ABCA1: variants seen among roughly 807,000 people sequenced by gnomAD.
ABCA1 encodes ATP binding cassette subfamily A member 1, also known as phospholipid-transporting ATPase ABCA1.
Under a neutral mutation model 262.5 loss-of-function variants are expected in ABCA1, and 133 were observed. The observed-to-expected ratio is 0.51, with a 90% CI of 0.44 to 0.59. The LOEUF (loss-of-function observed/expected upper bound fraction) is 0.59, where lower values mean the gene tolerates loss of function less well. Ranked by LOEUF, ABCA1 falls within the 20% of genes least tolerant of loss-of-function variation. The pLI is 0.00. For missense variants in ABCA1, 2,452 were observed against 2,777.5 expected, an observed-to-expected ratio of 0.88 and a Z score of 2.63; for synonymous variants, 1,022 against 1,043.5, an observed-to-expected ratio of 0.98 and a Z score of 0.40.
intron 25 of ABCA1, 66 bp downstream of exon 25, chr9:104,816,077 G>T (rs1831726265): frequency 2.0e-6 from 3 of 1,537,844 alleles, no homozygotes; most frequent in Non-Finnish European, 2.7e-6. Flanking sequence ...CCCAATGCAG[G>T]CTACTGGTCT....
At position 104,882,351 on chromosome 9, in the gene ABCA1, A is replaced by AT. The variant is rs566891520; in HGVS notation, c.421+687dup. 2.0e-5 allele frequency among the ~76,000 whole-genome samples: 3 copies of AT among 152,316 alleles called. No homozygotes were observed. In the South Asian group the frequency reaches 6.2e-4, roughly 32 times the overall value. On this transcript the variant is annotated intron_variant, in intron 5 of 49. Transcript: ENST00000374736. Reference sequence around the variant, plus strand: ...ATTCTCTACAGACCATGCACATGCCATTACTGGCTGCACTCAGCCAGCTGC... The same window carrying AT: ...ATTCTCTACAGACCATGCACATGCCATTTACTGGCTGCACTCAGCCAGCTGC...
At chr9:104,919,795 C>T (rs562532110) in intron 1 of ABCA1, among the ~76,000 whole-genome samples, 13 of 152,112 alleles carry the variant, frequency 8.5e-5, no homozygotes, top group African/African-American at 3.1e-4. Flanking sequence ...GATGAGAACC[C>T]CTTCTGGTTC....
At chr9:104,878,505 G>T (rs1999429) in intron 5 of ABCA1, among the ~76,000 whole-genome samples, 15,315 of 152,174 alleles carry the variant, frequency 0.1, 1,672 homozygotes, top group African/African-American at 0.27. Flanking sequence ...CAGCAGGGGG[G>T]TTTAGCCGTG....
At chr9:104,793,598 TAAA>T (rs1190515032) in intron 40 of ABCA1, among the ~76,000 whole-genome samples, 1 of 152,094 alleles carries the variant, frequency 6.6e-6, no homozygotes, top group African/African-American at 2.4e-5. Flanking sequence ...AAAATCCTTT[TAAA>T]AAGGCAAACG....
In ABCA1 at chr9:104,785,732, A is replaced by C. The variant is rs538256139; in HGVS notation, c.6402-93T>G. On this transcript the variant is annotated intron_variant, in intron 48 of 49. Coordinates refer to ENST00000374736, the MANE Select transcript of ABCA1 (RefSeq NM_005502.4). ...GGGAACCCAACTTGTGCCATGAAAA[A>C]GGGCGGCCCCTGGCAGGCCCAGAAA... 2.6e-6 allele frequency: 4 copies of C among 1,524,118 alleles called. No individual in the cohort carries two copies. In the Admixed American group the frequency reaches 5.1e-5, roughly 20 times the overall value. 94.4% of individuals were successfully genotyped at this position (1,524,118 alleles called of 1,614,324 possible). A position where few individuals can be genotyped will look rare whatever the true frequency, so the allele number is the denominator to read the frequency against.
At chr9:104,786,812 C>T (rs539639888) in intron 47 of ABCA1, 61 bp downstream of exon 47, 50 of 1,390,218 alleles carry the variant, frequency 3.6e-5, no homozygotes, top group Middle Eastern at 3.6e-4. Context: ...AAAATGATCG[C>T]ATATTCTACT....
chr9:104,800,671 G>A lies in ABCA1; in HGVS notation c.4699-87C>T, dbSNP rs918103970. On this transcript the variant is annotated intron_variant, in intron 34 of 49. Transcript: ENST00000374736. ...ATCTGGAACCTGTGGACAACAGGAC[G>A]GCCCTGTGAAGAGCAATGCCACTAC... 26 of 1,241,336 alleles carry A rather than the reference G, an allele frequency of 2.1e-5. 1 individual carries two copies. The Middle Eastern group carries it at 5.6e-4, about 27-fold the overall frequency. 76.9% of individuals were successfully genotyped at this position (1,241,336 alleles called of 1,614,324 possible).
At chr9:104,815,901 G>C (rs1831709916) in intron 25 of ABCA1, among the ~76,000 whole-genome samples, 1 of 152,182 alleles carries the variant, frequency 6.6e-6, no homozygotes, top group Non-Finnish European at 1.5e-5. Context: ...AATGTGTTAG[G>C]TACCACTGGT....
chr9:104,868,732 A>T (rs1201421359), intron 5 of ABCA1, among the ~76,000 whole-genome samples: 1 of 152,146 alleles, frequency 6.6e-6, no homozygotes, highest in Admixed American at 6.5e-5. Context: ...AACAGGTGAC[A>T]TGTGTGTTTG....
At chr9:104,890,405 C>A (rs1243034686) in intron 2 of ABCA1, among the ~76,000 whole-genome samples, 2 of 152,052 alleles carry the variant, frequency 1.3e-5, no homozygotes, top group African/African-American at 2.4e-5. Flanking sequence ...CATGGTGAAA[C>A]CCTGTCTCTA....
At chr9:104,806,717 A>G (rs925136888) in intron 30 of ABCA1, among the ~76,000 whole-genome samples, 3 of 152,104 alleles carry the variant, frequency 2.0e-5, no homozygotes, top group Admixed American at 1.3e-4. Context: ...TCAACCAACC[A>G]TTTGCTCACA....
chr9:104,868,025 A>C (rs1479578903), intron 5 of ABCA1, among the ~76,000 whole-genome samples: 2 of 152,196 alleles, frequency 1.3e-5, no homozygotes, highest in Admixed American at 1.3e-4. Context: ...CCATTTCCTG[A>C]CTGTGTAATC....
At chr9:104,812,350 A>C (rs1831350250) in intron 28 of ABCA1, among the ~76,000 whole-genome samples, 1 of 152,186 alleles carries the variant, frequency 6.6e-6, no homozygotes, top group African/African-American at 2.4e-5. Flanking sequence ...CCTGTATTGC[A>C]GGTAATATTA....
intron 28 of ABCA1, among the ~76,000 whole-genome samples, chr9:104,812,343 G>A (rs761841848): frequency 3.3e-5 from 5 of 152,172 alleles, no homozygotes; most frequent in Non-Finnish European, 5.9e-5. Context: ...TAACAACCCT[G>A]TATTGCAGGT....
intron 7 of ABCA1, 52 bp downstream of exon 7, chr9:104,858,470 C>T: frequency 6.3e-7 from 1 of 1,575,914 alleles, no homozygotes; most frequent in Admixed American, 1.7e-5. Flanking sequence ...AAAAGCCTCA[C>T]ATTCCGAAAG....
At position 104,781,252 on chromosome 9, in the gene ABCA1, A is replaced by G. The variant is rs547370660; in HGVS notation, c.*3063T>C. ...CGTAAAGTGCTTGGAATGAGGGCCAATGATGAACAAAGAGCACAAAAACAG... is the reference window on the plus strand; with the variant it reads ...CGTAAAGTGCTTGGAATGAGGGCCAGTGATGAACAAAGAGCACAAAAACAG... On this transcript the variant is annotated 3_prime_UTR_variant, in exon 50 of 50. Coordinates refer to ENST00000374736, the MANE Select transcript of ABCA1 (RefSeq NM_005502.4). 3.9e-5 allele frequency: 6 copies of G among 152,722 alleles called. No homozygotes were observed. Among genetic ancestry groups the G allele is most frequent in the Admixed American group, 2.6e-4 (4 of 15,308 alleles). 9.5% of individuals were successfully genotyped at this position (152,722 alleles called of 1,614,324 possible).
chr9:104,861,489 C>A (rs1421659532), intron 6 of ABCA1, 190 bp downstream of exon 6: 3 of 718,638 alleles, frequency 4.2e-6, no homozygotes, highest in Admixed American at 2.5e-5. Context: ...CGCCAGGTTG[C>A]ATATTCCACT....
At chr9:104,884,600 G>C (rs778914560) in intron 3 of ABCA1, 32 bp from the exon 4 acceptor site, 5 of 1,613,878 alleles carry the variant, frequency 3.1e-6, no homozygotes, top group Non-Finnish European at 3.4e-6. Context: ...AAAACACAGG[G>C]AGAAACATTA....
intron 1 of ABCA1, among the ~76,000 whole-genome samples, chr9:104,925,014 TC>T (rs1564310271): frequency 6.6e-6 from 1 of 152,212 alleles, no homozygotes; most frequent in Non-Finnish European, 1.5e-5. Context: ...AACAATCAAT[TC>T]CTGATCACTC....
Sources: allele counts gnomAD v4.1 joint callset (sites outside exome capture counted in the v4.1 genomes callset), GRCh38; gene constraint gnomAD v4.1.1; transcripts MANE v1.5; gene names NCBI Gene and HGNC (gene_info 2026-07-23, HGNC 2026-07-21).